Variants in MGAT4A observed in about 807,000 individuals in gnomAD.
MGAT4A encodes N-acetylglucosaminyltransferase IVa.
Under a neutral mutation model 74.1 loss-of-function variants are expected in MGAT4A, and 33 were observed. The ratio of observed to expected loss-of-function variants is 0.45; its 90% confidence interval spans 0.34 to 0.60. MGAT4A has a LOEUF of 0.60. Among genes scored for constraint, MGAT4A ranks in the 20% least tolerant of loss-of-function variants. MGAT4A has a pLI of 0.02. For missense variants in MGAT4A, 479 were observed against 628.3 expected, an observed-to-expected ratio of 0.76 and a Z score of 2.54; for synonymous variants, 198 against 210.4, an observed-to-expected ratio of 0.94 and a Z score of 0.51.
At chr2:98,639,163 T>C (rs1395425602) in intron 12 of MGAT4A, among the ~76,000 whole-genome samples, 3 of 152,052 alleles carry the variant, frequency 2.0e-5, no homozygotes, top group Non-Finnish European at 2.9e-5. Flanking sequence ...GTCAGGTACC[T>C]GTAATCCCAG....
intron 4 of MGAT4A, among the ~76,000 whole-genome samples, chr2:98,669,147 T>C (rs1575260434): frequency 6.6e-6 from 1 of 152,030 alleles, no homozygotes; most frequent in Non-Finnish European, 1.5e-5. Context: ...GACATGAGAT[T>C]TGGGAGGGGC....
intron 2 of MGAT4A, among the ~76,000 whole-genome samples, chr2:98,685,604 A>C (rs1702118146): frequency 6.6e-6 from 1 of 152,228 alleles, no homozygotes; most frequent in South Asian, 2.1e-4. Context: ...CAAAAGACAC[A>C]GTGAACAGCA....
chr2:98,641,065 G>C (rs1396744557), intron 10 of MGAT4A, among the ~76,000 whole-genome samples: 1 of 152,052 alleles, frequency 6.6e-6, no homozygotes, highest in South Asian at 2.1e-4. Flanking sequence ...AGTGCCCCAC[G>C]GTCCAGACGT....
chr2:98,634,766 C>T (rs1701291635), intron 14 of MGAT4A, among the ~76,000 whole-genome samples: 1 of 148,954 alleles, frequency 6.7e-6, no homozygotes, highest in African/African-American at 2.5e-5. Flanking sequence ...CAAAAACTGG[C>T]GATCAATAAA....
intron 4 of MGAT4A, 22 bp downstream of exon 4, chr2:98,675,013 G>C: frequency 6.2e-7 from 1 of 1,606,364 alleles, no homozygotes; most frequent in South Asian, 1.1e-5. Flanking sequence ...TACAACTGCA[G>C]TAAGAAACAA....
At chr2:98,672,603 T>C (rs1355742038) in intron 4 of MGAT4A, among the ~76,000 whole-genome samples, 1 of 152,228 alleles carries the variant, frequency 6.6e-6, no homozygotes, top group African/African-American at 2.4e-5. Context: ...GGTAATTCCC[T>C]CTTTTCACTC....
At chr2:98,688,663 T>C (rs749871721) in intron 2 of MGAT4A, among the ~76,000 whole-genome samples, 2 of 152,238 alleles carry the variant, frequency 1.3e-5, no homozygotes, top group Non-Finnish European at 2.9e-5. Flanking sequence ...CTCTCAGTCC[T>C]ACAGCCACAA....
intron 2 of MGAT4A, among the ~76,000 whole-genome samples, chr2:98,705,948 C>CAAAAA (rs35710005): frequency 3.0e-4 from 14 of 47,372 alleles, no homozygotes; most frequent in East Asian, 6.7e-4. Context: ...GACTCCGTCT[C>CAAAAA]AAAAAAAAAA....
rs151292898 is a variant in MGAT4A at position 98,623,622 on chromosome 2, T to A, written c.*1944A>T. The A allele has an allele frequency of 6.9e-4, 676 of 985,220 alleles. 4 individuals are homozygous for A. The African/African-American group carries it at 0.011, about 16-fold the overall frequency. 61.0% of individuals were successfully genotyped at this position (985,220 alleles called of 1,614,324 possible). Reference sequence around the variant, plus strand: ...GAAAAGTAAATTTAAAACATCCTAATAAAAAAATTTCAACTGGCCTTTAAC... The same window carrying A: ...GAAAAGTAAATTTAAAACATCCTAAAAAAAAAATTTCAACTGGCCTTTAAC... On this transcript the variant is annotated 3_prime_UTR_variant, in exon 16 of 16. Coordinates refer to ENST00000393487, the MANE Select transcript of MGAT4A (RefSeq NM_012214.3).
chr2:98,725,068 C>T (rs1276354215), intron 2 of MGAT4A, among the ~76,000 whole-genome samples: 1 of 152,236 alleles, frequency 6.6e-6, no homozygotes, highest in South Asian at 2.1e-4. Flanking sequence ...GAGTGAAACT[C>T]TGTCTCAAAA....
chr2:98,621,628 A>T lies in MGAT4A; in HGVS notation c.*3938T>A. 6.7e-7 allele frequency: 1 copy of T among 1,485,284 alleles called. No homozygotes were observed. Among genetic ancestry groups the T allele is most frequent in the Non-Finnish European group, 9.0e-7 (1 of 1,114,656 alleles). 92.0% of individuals were successfully genotyped at this position (1,485,284 alleles called of 1,614,324 possible). On this transcript the variant is annotated 3_prime_UTR_variant, in exon 16 of 16. Coordinates refer to ENST00000393487, the MANE Select transcript of MGAT4A (RefSeq NM_012214.3). ...TGCTCAAAGTGGGAGGATATTATACAAGGTCATTGGTGGGGGTGTCAGTAG... is the reference window on the plus strand; with the variant it reads ...TGCTCAAAGTGGGAGGATATTATACTAGGTCATTGGTGGGGGTGTCAGTAG...
In MGAT4A at chr2:98,703,982, T is replaced by C. The variant is rs115145997; in HGVS notation, c.94+22257A>G. On this transcript the variant is annotated intron_variant, in intron 2 of 15. Transcript: ENST00000393487. ...CCTTAGCTTGTTTGGTTGTCAGTAT[T>C]CATCCCTCTCTGAAATAACTCAGTC... Among the ~76,000 whole-genome samples the C allele has an allele frequency of 8.9e-3, 1,360 of 152,250 alleles. 15 individuals carry two copies. The highest frequency in any genetic ancestry group is 9.6e-3 in the South Asian group (46 of 4,816).
intron 4 of MGAT4A, among the ~76,000 whole-genome samples, chr2:98,665,699 C>T (rs903668905): frequency 6.6e-6 from 1 of 152,232 alleles, no homozygotes; most frequent in Admixed American, 6.5e-5. Context: ...ATGTATCTTA[C>T]AGGCTGCTAT....
At chr2:98,634,583 G>A (rs1055095731) in intron 14 of MGAT4A, among the ~76,000 whole-genome samples, 1 of 151,702 alleles carries the variant, frequency 6.6e-6, no homozygotes, top group Non-Finnish European at 1.5e-5. Context: ...GCGAGATGCA[G>A]TCCCTCCCCT....
intron 2 of MGAT4A, among the ~76,000 whole-genome samples, chr2:98,719,227 A>G (rs971476477): frequency 3.3e-5 from 5 of 152,218 alleles, no homozygotes; most frequent in African/African-American, 1.2e-4. Flanking sequence ...AGGAATCACA[A>G]TTTTATCATA....
intron 2 of MGAT4A, among the ~76,000 whole-genome samples, chr2:98,685,725 C>G (rs1165010695): frequency 6.6e-6 from 1 of 152,182 alleles, no homozygotes; most frequent in Non-Finnish European, 1.5e-5. Context: ...CTGAATTTAT[C>G]ATGCATAAGA....
At chr2:98,660,416 G>GTGCACA (rs1701727793) in intron 5 of MGAT4A, among the ~76,000 whole-genome samples, 4 of 84,824 alleles carry the variant, frequency 4.7e-5, no homozygotes, top group Admixed American at 2.5e-4. Context: ...ACACACGCAC[G>GTGCACA]CGCACACACA....
chr2:98,693,083 G>A (rs1174913447), intron 2 of MGAT4A, among the ~76,000 whole-genome samples: 1 of 152,078 alleles, frequency 6.6e-6, no homozygotes, highest in Non-Finnish European at 1.5e-5. Context: ...TGACCTACTG[G>A]GGAAAAGATT....
rs1702852584 is a variant in MGAT4A at position 98,731,122 on chromosome 2, CTG to C, written c.-312_-311del. 1 of 139,216 alleles carries C rather than the reference CTG, an allele frequency of 7.2e-6. No homozygotes were observed. Among genetic ancestry groups the C allele is most frequent in the African/African-American group, 2.6e-5 (1 of 37,806 alleles). 8.6% of individuals were successfully genotyped at this position (139,216 alleles called of 1,614,324 possible). ...GCCGCCGCCGCCGCTGCCGCCGCCG[CTG>C]CGGGCCGCCCCGCCCGCCCCGCCGG... On this transcript the variant is annotated 5_prime_UTR_variant, in exon 1 of 16. Coordinates refer to ENST00000393487, the MANE Select transcript of MGAT4A (RefSeq NM_012214.3). The surrounding 1 kb of genome is among the most constrained non-coding windows in gnomAD (Gnocchi z 4.8).
Sources: allele counts gnomAD v4.1 joint callset (sites outside exome capture counted in the v4.1 genomes callset), GRCh38; gene constraint gnomAD v4.1.1; non-coding constraint Gnocchi (gnomAD v3.1); transcripts MANE v1.5; gene names NCBI Gene and HGNC (gene_info 2026-07-23, HGNC 2026-07-21).